SAMD12: variants seen among roughly 807,000 people sequenced by gnomAD.
The protein encoded by SAMD12 is sterile alpha motif domain containing 12, also known as sterile alpha motif domain-containing protein 12.
In SAMD12, 9 loss-of-function variants were observed where a neutral mutation model predicts 15.0. That is an observed-to-expected ratio of 0.60 (90% confidence interval 0.36 to 1.05). The LOEUF (loss-of-function observed/expected upper bound fraction) is 1.05. Among genes scored for constraint, SAMD12 ranks in the 50% least tolerant of loss-of-function variants. The pLI is 0.01. For missense variants in SAMD12, 230 were observed against 234.2 expected, an observed-to-expected ratio of 0.98 and a Z score of 0.12; for synonymous variants, 86 against 90.1, an observed-to-expected ratio of 0.96 and a Z score of 0.25.
chr8:118,461,494 G>A (rs1395693574), intron 2 of SAMD12, among the ~76,000 whole-genome samples: 5 of 152,154 alleles, frequency 3.3e-5, no homozygotes, highest in African/African-American at 7.2e-5. Flanking sequence ...TCCCAATTCC[G>A]TTCTTCTCAG....
intron 4 of SAMD12, among the ~76,000 whole-genome samples, chr8:118,262,039 T>C (rs1457768712): frequency 1.3e-5 from 2 of 151,968 alleles, no homozygotes; most frequent in African/African-American, 4.8e-5. Context: ...CATGAACAAA[T>C]CTGGAGGAAA....
chr8:118,370,551 T>C (rs1050383646), intron 4 of SAMD12, among the ~76,000 whole-genome samples: 6 of 152,284 alleles, frequency 3.9e-5, no homozygotes, highest in Middle Eastern at 3.4e-3. Flanking sequence ...CAATCGATGA[T>C]AGACTTCATA....
At chr8:118,423,574 C>T (rs1822110971) in intron 3 of SAMD12, among the ~76,000 whole-genome samples, 3 of 152,108 alleles carry the variant, frequency 2.0e-5, no homozygotes, top group African/African-American at 7.2e-5. Flanking sequence ...CTTCTCATGT[C>T]TTATTAGGGT....
At chr8:118,620,327 C>G (rs960312666) in intron 1 of SAMD12, among the ~76,000 whole-genome samples, 3 of 133,166 alleles carry the variant, frequency 2.3e-5, no homozygotes, top group African/African-American at 8.7e-5. Context: ...GTCTCAAGCT[C>G]AAGATGAACT....
At chr8:118,595,338 T>C (rs994604168) in intron 1 of SAMD12, among the ~76,000 whole-genome samples, 2 of 152,226 alleles carry the variant, frequency 1.3e-5, no homozygotes, top group African/African-American at 4.8e-5. Context: ...CTAGATCTCA[T>C]TGGCTGATAT....
At chr8:118,261,579 G>C (rs1813077897) in intron 4 of SAMD12, among the ~76,000 whole-genome samples, 1 of 151,890 alleles carries the variant, frequency 6.6e-6, no homozygotes, top group South Asian at 2.1e-4. Flanking sequence ...GCAAATGCCT[G>C]CTGTTAATGT....
At chr8:118,382,029 T>C (rs1819701344) in intron 3 of SAMD12, among the ~76,000 whole-genome samples, 1 of 152,242 alleles carries the variant, frequency 6.6e-6, no homozygotes, top group Non-Finnish European at 1.5e-5. Flanking sequence ...CTGCTCACTG[T>C]CAGACCTTAG....
intron 2 of SAMD12, among the ~76,000 whole-genome samples, chr8:118,520,496 A>C (rs62531891): frequency 0.25 from 37,304 of 152,084 alleles, 5,165 homozygotes; most frequent in South Asian, 0.41. Flanking sequence ...ATAATTTTAC[A>C]ATATAAATGC....
intron 2 of SAMD12, among the ~76,000 whole-genome samples, chr8:118,477,988 T>C (rs1824009014): frequency 7.7e-6 from 1 of 130,458 alleles, no homozygotes; most frequent in East Asian, 2.2e-4. Flanking sequence ...CACTCCAGCC[T>C]GGGTGACAGA....
intron 2 of SAMD12, among the ~76,000 whole-genome samples, chr8:118,576,286 G>A (rs914570134): frequency 6.6e-6 from 1 of 152,188 alleles, no homozygotes; most frequent in African/African-American, 2.4e-5. Flanking sequence ...AAATAAATCT[G>A]AATATCCACA....
intron 4 of SAMD12, among the ~76,000 whole-genome samples, chr8:118,249,202 C>G (rs1049435121): frequency 1.3e-5 from 2 of 152,092 alleles, no homozygotes; most frequent in Non-Finnish European, 2.9e-5. Context: ...AGGAACTGTG[C>G]TTGCTTACCA....
chr8:118,494,937 A>AC (rs1409137233), intron 2 of SAMD12, among the ~76,000 whole-genome samples: 1 of 152,164 alleles, frequency 6.6e-6, no homozygotes, highest in Non-Finnish European at 1.5e-5. Context: ...TGAATCTGTC[A>AC]CCTGTGTCAT....
At chr8:118,244,321 A>G (rs1416441573) in intron 4 of SAMD12, among the ~76,000 whole-genome samples, 1 of 152,182 alleles carries the variant, frequency 6.6e-6, no homozygotes. Flanking sequence ...GAGCAGATTG[A>G]AGATTTAATC....
At chr8:118,436,778 T>C (rs761847711) in intron 3 of SAMD12, among the ~76,000 whole-genome samples, 1 of 152,222 alleles carries the variant, frequency 6.6e-6, no homozygotes, top group African/African-American at 2.4e-5. Context: ...CAACATTATG[T>C]GTATTGTTTT....
chr8:118,533,734 T>C (rs907716648), intron 2 of SAMD12, among the ~76,000 whole-genome samples: 4 of 152,222 alleles, frequency 2.6e-5, no homozygotes, highest in Admixed American at 6.5e-5. Flanking sequence ...TGGTTTAAAG[T>C]CTGTTTTATC....
At chr8:118,348,673 G>A (rs920207617) in intron 4 of SAMD12, among the ~76,000 whole-genome samples, 2 of 152,126 alleles carry the variant, frequency 1.3e-5, no homozygotes, top group African/African-American at 4.8e-5. Context: ...CACCCGGCCC[G>A]CTTATTACTT....
chr8:118,533,147 CT>C, intron 2 of SAMD12, among the ~76,000 whole-genome samples: 1 of 152,090 alleles, frequency 6.6e-6, no homozygotes, highest in African/African-American at 2.4e-5. Flanking sequence ...TGTCTTTGTT[CT>C]CGTTGGTTTC....
intron 3 of SAMD12, among the ~76,000 whole-genome samples, chr8:118,389,759 T>C (rs1389165683): frequency 1.3e-5 from 2 of 151,956 alleles, no homozygotes; most frequent in East Asian, 3.9e-4. Context: ...CTGGACAAAT[T>C]ATTTTTTCCC....
chr8:118,295,792 G>A (rs1814677368), intron 4 of SAMD12: 1 of 151,966 alleles, frequency 6.6e-6, no homozygotes, highest in African/African-American at 2.4e-5. Context: ...TGGGACTACA[G>A]GTGTGTTACC....
Sources: gnomAD v4.1 joint callset for allele counts (sites outside exome capture counted in the v4.1 genomes callset) on GRCh38, gnomAD v4.1.1 for gene constraint, MANE v1.5 for transcripts, NCBI Gene and HGNC (gene_info 2026-07-23, HGNC 2026-07-21) for gene names.